ZNF143: variants seen among roughly 807,000 people sequenced by gnomAD.
ZNF143 encodes the protein zinc finger protein 143.
A neutral mutation model predicts 74.1 loss-of-function variants in ZNF143; 49 were observed. That is an observed-to-expected ratio of 0.66 (90% CI 0.53 to 0.84). ZNF143 has a LOEUF of 0.84. Ranked by LOEUF, ZNF143 falls within the 40% of genes least tolerant of loss-of-function variation. The probability of loss-of-function intolerance (pLI) is 0.00; values close to 1 mark genes in which losing one functional copy is unlikely to be tolerated. For missense variants in ZNF143, 637 were observed against 793.4 expected (o/e 0.80, Z 2.37); for synonymous variants, 304 against 282.8 (o/e 1.07, Z -0.75).
intron 6 of ZNF143, among the ~76,000 whole-genome samples, chr11:9,479,005 T>G (rs570469565): frequency 1.3e-5 from 2 of 152,248 alleles, no homozygotes; most frequent in East Asian, 3.9e-4. Flanking sequence ...TAAATGGAAC[T>G]GCTTATGAAT....
At chr11:9,466,592 G>A (rs374506899) in intron 1 of ZNF143, among the ~76,000 whole-genome samples, 4 of 151,456 alleles carry the variant, frequency 2.6e-5, no homozygotes, top group Admixed American at 2.6e-4. Context: ...CACCACTCCC[G>A]GCATAATTTT....
intron 11 of ZNF143, 39 bp downstream of exon 11, chr11:9,501,309 G>GC: frequency 6.2e-7 from 1 of 1,602,738 alleles, no homozygotes; most frequent in Non-Finnish European, 8.5e-7. Context: ...ATCTTTCAAG[G>GC]CTCAGTTTAA....
intron 15 of ZNF143, 87 bp downstream of exon 15, chr11:9,525,473 T>C: frequency 6.5e-7 from 1 of 1,535,422 alleles, no homozygotes; most frequent in Non-Finnish European, 9.0e-7. Context: ...GTATAACCTT[T>C]ACAGGAGGCA....
At chr11:9,496,208 C>A (rs1446846804) in intron 8 of ZNF143, 95 bp from the exon 9 acceptor site, 4 of 1,051,206 alleles carry the variant, frequency 3.8e-6, no homozygotes, top group Non-Finnish European at 5.8e-6. Flanking sequence ...ACAACAAAAT[C>A]ATTTAGCAGT....
intron 1 of ZNF143, among the ~76,000 whole-genome samples, chr11:9,464,292 C>T (rs1256516412): frequency 1.3e-5 from 2 of 152,032 alleles, no homozygotes; most frequent in Non-Finnish European, 2.9e-5. Flanking sequence ...CCACAATGCC[C>T]AGCTAATTTT....
rs1281753210 is a variant in ZNF143 at position 9,474,548 on chromosome 11, A to C, written c.290-2A>C. The stretch of plus-strand genomic sequence containing the variant: ...GATCTAAATGTAAGCATTGTTCTTG[A>C]GCAGGGGACAGTTTGCGTCTAGAGG... On this transcript the variant is annotated splice_acceptor_variant, in intron 4 of 15. Coordinates refer to ENST00000396602, the MANE Select transcript of ZNF143 (RefSeq NM_003442.6). LOFTEE classifies it high-confidence loss of function. 3.7e-6 allele frequency: 6 copies of C among 1,614,002 alleles called. No homozygotes were observed. The East Asian group carries it at 1.3e-4, about 36-fold the overall frequency.
chr11:9,511,941 C>T (rs1848565548), intron 12 of ZNF143, among the ~76,000 whole-genome samples: 3 of 148,534 alleles, frequency 2.0e-5, no homozygotes, highest in Non-Finnish European at 3.0e-5. Context: ...TTAGTAGAGA[C>T]GGGGTTTCAC....
intron 5 of ZNF143, among the ~76,000 whole-genome samples, chr11:9,475,914 G>GTGTA (rs1565027847): frequency 9.0e-6 from 1 of 111,622 alleles, no homozygotes; most frequent in Non-Finnish European, 2.1e-5. Context: ...ATATATATGT[G>GTGTA]TGTGTGTGTG....
chr11:9,509,222 C>T (rs931909021), intron 12 of ZNF143, among the ~76,000 whole-genome samples: 1 of 152,156 alleles, frequency 6.6e-6, no homozygotes, highest in African/African-American at 2.4e-5. Context: ...ATTGGAGATA[C>T]TGAATGAAGC....
intron 7 of ZNF143, among the ~76,000 whole-genome samples, chr11:9,479,768 C>A (rs1847165426): frequency 6.6e-6 from 1 of 152,140 alleles, no homozygotes; most frequent in African/African-American, 2.4e-5. Context: ...TCACAGAAAT[C>A]CAGGTGAAGC....
At chr11:9,500,068 G>A (rs1027737947) in intron 10 of ZNF143, among the ~76,000 whole-genome samples, 2 of 152,068 alleles carry the variant, frequency 1.3e-5, no homozygotes, top group African/African-American at 2.4e-5. Flanking sequence ...TCACCCTCCC[G>A]AGTAGCTGGG....
chr11:9,495,512 C>T (rs1403264296), intron 8 of ZNF143, among the ~76,000 whole-genome samples: 1 of 152,142 alleles, frequency 6.6e-6, no homozygotes, highest in Non-Finnish European at 1.5e-5. Flanking sequence ...CAGAACATAC[C>T]ATGACTCAAT....
Position 9,516,268 on chromosome 11 carries a change from C to T in ZNF143, c.1592C>T (p.Thr531Met), listed in dbSNP as rs772048962. 3.5e-5 allele frequency: 56 copies of T among 1,613,938 alleles called. No individual in the cohort carries two copies. Among genetic ancestry groups the T allele is most frequent in the South Asian group, 8.8e-5 (8 of 91,078 alleles). ...ATCACAATGGTAACGCAGGATGGCA[C>T]GCCCATCACAGTCCCCGCCCATGAT... is the stretch of plus-strand genomic sequence containing the variant. ...NTITMVTQDGTPITVPAHDAV... is the reference protein window; with the variant it reads ...NTITMVTQDGMPITVPAHDAV... The change falls in exon 14 of 16, where the codon ACG (threonine) becomes ATG (methionine). Residue 531 changes from threonine (T) to methionine (M), a missense_variant. Coordinates refer to ENST00000396602, the MANE Select transcript of ZNF143 (RefSeq NM_003442.6).
Position 9,474,241 on chromosome 11 carries a change from G to A in ZNF143, c.289+217G>A, listed in dbSNP as rs553104549. On this transcript the variant is annotated intron_variant, in intron 4 of 15. Coordinates refer to ENST00000396602, the MANE Select transcript of ZNF143 (RefSeq NM_003442.6). ...TGGACTGCACTGTGGAGATAAATGAGTAACAGTCCTGAGTGAATGTTTCTG... is the reference window on the plus strand; with the variant it reads ...TGGACTGCACTGTGGAGATAAATGAATAACAGTCCTGAGTGAATGTTTCTG... Among the ~76,000 whole-genome samples, 12 of 152,294 alleles carry A rather than the reference G, an allele frequency of 7.9e-5. No homozygotes were observed. In the East Asian group the frequency reaches 2.3e-3, roughly 29 times the overall value.
At position 9,494,719 on chromosome 11, in the gene ZNF143, A is replaced by G; in HGVS notation, c.719A>G (p.Glu240Gly). ...AGTGGAGAGAAGGCATTTCGATGTG[A>G]ATATGATGGATGTGGAAAATTATAT... ...QQSGEKAFRCEYDGCGKLYTT... is the reference protein window; with the variant it reads ...QQSGEKAFRCGYDGCGKLYTT... The change falls in exon 8 of 16, where the codon GAA (glutamate) becomes GGA (glycine). Residue 240 changes from glutamate to glycine, a missense_variant. By Grantham distance (98) the Glu-to-Gly change is moderately conservative. This residue lies in a region of ZNF143 where 293 missense variants were observed against 307.8 expected (regional missense o/e 0.95). Coordinates refer to ENST00000396602, the MANE Select transcript of ZNF143 (RefSeq NM_003442.6). 1 of 1,613,524 alleles carries G rather than the reference A, an allele frequency of 6.2e-7. No homozygotes were observed. Among genetic ancestry groups the G allele is most frequent in the Non-Finnish European group, 8.5e-7 (1 of 1,179,426 alleles).
At chr11:9,468,479 A>G (rs2133840140) in intron 1 of ZNF143, among the ~76,000 whole-genome samples, 1 of 152,316 alleles carries the variant, frequency 6.6e-6, no homozygotes, top group Middle Eastern at 3.4e-3. Context: ...GAACTGCACA[A>G]AGCCTTCAAG....
In ZNF143 at chr11:9,525,329, A is replaced by C; in HGVS notation, c.1776A>C (p.Thr592=). ...AGCATAGCCATCACTTAGTAACCAC[A>C]GAAACCAGACCTCTGACCTTAGTAG... ...HQQHSHHLVT[T]ETRPLTLVAT... is the part of the protein sequence containing the mutation. The change falls in exon 15 of 16, where the codon ACA becomes ACC. Residue 592 remains threonine, a synonymous_variant. Transcript: ENST00000396602. 1.2e-6 allele frequency: 2 copies of C among 1,614,224 alleles called. No individual in the cohort carries two copies. The highest frequency in any genetic ancestry group is 1.7e-6 in the Non-Finnish European group (2 of 1,180,038).
chr11:9,511,909 G>A (rs1474720738), intron 12 of ZNF143, among the ~76,000 whole-genome samples: 1 of 151,194 alleles, frequency 6.6e-6, no homozygotes, highest in East Asian at 2.0e-4. Flanking sequence ...CCGCCACCAT[G>A]ACCAGCTAAT....
chr11:9,465,828 T>G (rs1020014417), intron 1 of ZNF143, among the ~76,000 whole-genome samples: 4 of 151,882 alleles, frequency 2.6e-5, no homozygotes, highest in Admixed American at 1.3e-4. Context: ...GTTTGTTTGT[T>G]TTCTTTTTTT....
Sources: allele counts gnomAD v4.1 joint callset (sites outside exome capture counted in the v4.1 genomes callset), GRCh38; gene constraint gnomAD v4.1.1; regional missense constraint gnomAD v4.1.1; transcripts MANE v1.5; gene names NCBI Gene and HGNC (gene_info 2026-07-23, HGNC 2026-07-21).